Variants in INPP4B observed in about 807,000 individuals in gnomAD.
The protein encoded by INPP4B is inositol polyphosphate-4-phosphatase type II B, also known as inositol polyphosphate 4-phosphatase type II.
A neutral mutation model predicts 122.5 loss-of-function variants in INPP4B; 55 were observed. The observed-to-expected ratio is 0.45, with a 90% CI of 0.36 to 0.56. The LOEUF (loss-of-function observed/expected upper bound fraction) is 0.56, where lower values mean the gene tolerates loss of function less well. Among genes scored for constraint, INPP4B ranks in the 20% least tolerant of loss-of-function variants. The pLI, the probability that INPP4B is intolerant of heterozygous loss-of-function variation, is 0.00. For missense variants in INPP4B, 1,000 were observed against 1,097.7 expected (o/e 0.91, Z 1.26); for synonymous variants, 403 against 388.7 (o/e 1.04, Z -0.43).
At chr4:142,616,601 T>C (rs1030727017) in intron 2 of INPP4B, among the ~76,000 whole-genome samples, 7 of 152,164 alleles carry the variant, frequency 4.6e-5, no homozygotes, top group African/African-American at 1.7e-4. Context: ...CTTATTTTAG[T>C]TTTAATTTAT....
chr4:142,381,084 A>T (rs1793929681), intron 7 of INPP4B, among the ~76,000 whole-genome samples: 1 of 152,130 alleles, frequency 6.6e-6, no homozygotes, highest in Non-Finnish European at 1.5e-5. Context: ...ATATATCTTT[A>T]AGTCCTGGTG....
At chr4:142,028,968 C>T (rs1024767433) in intron 25 of INPP4B, 54 bp from the exon 26 acceptor site, 6 of 1,567,160 alleles carry the variant, frequency 3.8e-6, no homozygotes, top group African/African-American at 1.4e-5. Context: ...AATAAATATG[C>T]TTTATTTGTT....
In INPP4B at chr4:142,025,652, G is replaced by A. The variant is rs1437472818; in HGVS notation, c.*3130C>T. On this transcript the variant is annotated 3_prime_UTR_variant, in exon 26 of 26. Transcript: ENST00000262992. ...TTTTTTACCTCTTATTTTATGTAAA[G>A]TGCCATACATAGCTGAAGGATAAAA... 6.6e-6 allele frequency: 1 copy of A among 152,088 alleles called. No homozygotes were observed. Among genetic ancestry groups the A allele is most frequent in the East Asian group, 1.9e-4 (1 of 5,180 alleles). 9.4% of individuals were successfully genotyped at this position (152,088 alleles called of 1,614,324 possible). A position where few individuals can be genotyped will look rare whatever the true frequency, so the allele number is the denominator to read the frequency against.
At chr4:142,492,551 T>A (rs2149787691) in intron 2 of INPP4B, among the ~76,000 whole-genome samples, 1 of 152,190 alleles carries the variant, frequency 6.6e-6, no homozygotes, top group East Asian at 1.9e-4. Context: ...GCTGAGGTGG[T>A]CTCAGATGGA....
At chr4:142,238,625 A>T (rs1857701518) in intron 11 of INPP4B, among the ~76,000 whole-genome samples, 2 of 152,122 alleles carry the variant, frequency 1.3e-5, no homozygotes, top group Admixed American at 1.3e-4. Flanking sequence ...AGTGCCAATG[A>T]GTCAATAACA....
At chr4:142,631,100 G>A (rs2150422063) in intron 2 of INPP4B, among the ~76,000 whole-genome samples, 1 of 152,078 alleles carries the variant, frequency 6.6e-6, no homozygotes, top group South Asian at 2.1e-4. Context: ...TAAATCAACA[G>A]GGATGAAACC....
chr4:142,150,606 C>T (rs576187591), intron 17 of INPP4B, among the ~76,000 whole-genome samples: 121 of 152,288 alleles, frequency 7.9e-4, no homozygotes, highest in African/African-American at 2.8e-3. Context: ...CAGTGGGGAA[C>T]CAGCAGCAAT....
chr4:142,340,409 T>TC (rs1778280352), intron 7 of INPP4B, among the ~76,000 whole-genome samples: 1 of 71,078 alleles, frequency 1.4e-5, no homozygotes, highest in Non-Finnish European at 3.6e-5. Context: ...TTCTTTTTTT[T>TC]CTCTTTAAAA....
At chr4:142,465,532 A>T (rs1478883021) in intron 2 of INPP4B, among the ~76,000 whole-genome samples, 1 of 152,232 alleles carries the variant, frequency 6.6e-6, no homozygotes, top group Non-Finnish European at 1.5e-5. Flanking sequence ...TAGAATTAAA[A>T]TGCAGAATAT....
chr4:142,829,160 A>C (rs1429545328), intron 1 of INPP4B, among the ~76,000 whole-genome samples: 4 of 151,784 alleles, frequency 2.6e-5, no homozygotes, highest in Non-Finnish European at 4.4e-5. Flanking sequence ...AAATGACTAG[A>C]CAAGTTTGAA....
At chr4:142,647,391 C>G (rs974970605) in intron 2 of INPP4B, among the ~76,000 whole-genome samples, 11 of 152,148 alleles carry the variant, frequency 7.2e-5, no homozygotes, top group Admixed American at 2.0e-4. Flanking sequence ...TGCCTGACAC[C>G]AACCCTTTCC....
chr4:142,551,197 C>A (rs79442729), intron 2 of INPP4B, among the ~76,000 whole-genome samples: 8 of 152,254 alleles, frequency 5.3e-5, no homozygotes, highest in African/African-American at 1.9e-4. Flanking sequence ...TTTCCTTGGA[C>A]GACGCCCTTG....
chr4:142,520,538 T>C (rs1825951097), intron 2 of INPP4B, among the ~76,000 whole-genome samples: 1 of 151,958 alleles, frequency 6.6e-6, no homozygotes, highest in Non-Finnish European at 1.5e-5. Context: ...CAATTCTATT[T>C]ACTTTATTTA....
At chr4:142,229,881 C>T (rs1280759526) in intron 12 of INPP4B, among the ~76,000 whole-genome samples, 1 of 152,078 alleles carries the variant, frequency 6.6e-6, no homozygotes, top group Admixed American at 6.6e-5. Flanking sequence ...TAAATTACTG[C>T]TAATTTTTCT....
chr4:142,821,567 G>A (rs895504159), intron 1 of INPP4B, among the ~76,000 whole-genome samples: 2 of 151,962 alleles, frequency 1.3e-5, no homozygotes, highest in African/African-American at 2.4e-5. Context: ...TAACTATGTA[G>A]CCTTATTTAA....
rs139679826 is a variant in INPP4B, at chr4:142,688,971, G to A, written c.-191+36868C>T. On this transcript the variant is annotated intron_variant, in intron 2 of 25. Transcript: ENST00000262992. ...GACTCGGCACAAGAAGACAGCTTTC[G>A]ACTCCTCATGATTTCATCTCTGATC... Among the ~76,000 whole-genome samples, 159 of 152,256 alleles carry A rather than the reference G, an allele frequency of 1.0e-3. 1 individual carries two copies. The highest frequency in any genetic ancestry group is 3.2e-3 in the African/African-American group (132 of 41,562).
chr4:142,660,620 G>T (rs1754999983), intron 2 of INPP4B, among the ~76,000 whole-genome samples: 1 of 152,036 alleles, frequency 6.6e-6, no homozygotes, highest in African/African-American at 2.4e-5. Context: ...AGCCCAACAT[G>T]CCACCAAAAG....
intron 2 of INPP4B, among the ~76,000 whole-genome samples, chr4:142,495,693 C>A (rs1487392992): frequency 1.3e-5 from 2 of 152,234 alleles, no homozygotes; most frequent in African/African-American, 4.8e-5. Flanking sequence ...GATTTTCAGA[C>A]TTTTAATCAT....
intron 1 of INPP4B, among the ~76,000 whole-genome samples, chr4:142,747,857 C>T (rs1346806278): frequency 6.9e-6 from 1 of 144,514 alleles, no homozygotes; most frequent in East Asian, 2.0e-4. Flanking sequence ...ACATCACATA[C>T]CAGGGCCTGT....
Sources: allele counts gnomAD v4.1 joint callset (sites outside exome capture counted in the v4.1 genomes callset), GRCh38; gene constraint gnomAD v4.1.1; transcripts MANE v1.5; gene names NCBI Gene and HGNC (gene_info 2026-07-23, HGNC 2026-07-21).